Variants in SREK1 observed in about 807,000 individuals in gnomAD.
SREK1 encodes the protein splicing regulatory glutamic acid and lysine rich protein 1, also known as splicing regulatory glutamine/lysine-rich protein 1.
Under a neutral mutation model 66.5 loss-of-function variants are expected in SREK1, and 13 were observed. The observed-to-expected ratio is 0.20, with a 90% CI of 0.13 to 0.31. The LOEUF is 0.31. SREK1 is among the 10% of genes least tolerant of loss of function. The pLI is 1.00. For missense variants in SREK1, 607 were observed against 769.6 expected, an observed-to-expected ratio of 0.79 and a Z score of 2.50; for synonymous variants, 265 against 263.5, an observed-to-expected ratio of 1.01 and a Z score of -0.05.
At chr5:66,160,549 A>G (rs1744670680) in intron 3 of SREK1, among the ~76,000 whole-genome samples, 1 of 152,186 alleles carries the variant, frequency 6.6e-6, no homozygotes, top group African/African-American at 2.4e-5. Flanking sequence ...GAGGGGATAG[A>G]TAGGACACAG....
rs772962485 is a variant in SREK1 at position 66,177,587 on chromosome 5, A to C, written c.1654A>C (p.Thr552Pro). The change falls in exon 11 of 12, where the codon ACG (threonine) becomes CCG (proline). Residue 552 changes from threonine to proline, a missense_variant. Around this residue, in one of 5 missense-constraint regions of SREK1, gnomAD observed 318 missense variants for 310.3 expected, o/e 1.02. Coordinates refer to ENST00000334121, the MANE Select transcript of SREK1 (RefSeq NM_001077199.3). Reference protein sequence around the residue: ...ISERRERERSTSMRKSSNDRD... With the variant: ...ISERRERERSPSMRKSSNDRD... ...TGAAAGAAGAGAGAGAGAACGTTCA[A>C]CGTCTATGAGAAAGAGTTCTAATGA... 6.2e-7 allele frequency: 1 copy of C among 1,611,536 alleles called. No homozygotes were observed. Among genetic ancestry groups the C allele is most frequent in the South Asian group, 1.1e-5 (1 of 90,790 alleles).
chr5:66,144,664 T>G, intron 1 of SREK1, 127 bp downstream of exon 1: 1 of 1,408,592 alleles, frequency 7.1e-7, no homozygotes, highest in Non-Finnish European at 9.3e-7. Flanking sequence ...CTTACCTTGG[T>G]GCCCATATTT....
chr5:66,172,824 A>ATTTTTTTTTTTTTTTTTTTTTTTTTT (rs762670649), intron 9 of SREK1, among the ~76,000 whole-genome samples: 1 of 118,234 alleles, frequency 8.5e-6, no homozygotes, highest in African/African-American at 3.6e-5. Flanking sequence ...ATTTCTTTGA[A>ATTTTTTTTTTTTTTTTTTTTTTTTTT]TTTTTTTTTT....
At chr5:66,161,383 A>G (rs141974502) in intron 3 of SREK1, among the ~76,000 whole-genome samples, 9 of 152,258 alleles carry the variant, frequency 5.9e-5, no homozygotes, top group East Asian at 5.8e-4. Flanking sequence ...GGGTTTGTCT[A>G]TTTGCACGGA....
intron 1 of SREK1, chr5:66,145,211 G>C (rs894520150): frequency 1.0e-6 from 1 of 968,354 alleles, no homozygotes; most frequent in African/African-American, 1.8e-5. Flanking sequence ...TATCCCTCCC[G>C]TATACATTTA....
chr5:66,156,559 T>G (rs1251782258), intron 2 of SREK1: 33 of 985,800 alleles, frequency 3.3e-5, no homozygotes, highest in Non-Finnish European at 3.6e-5. Context: ...CTTTCTGATC[T>G]CAGCGCAACA....
At chr5:66,153,927 C>T (rs1352975497) in intron 2 of SREK1, 1 of 267,620 alleles carries the variant, frequency 3.7e-6, no homozygotes, top group Non-Finnish European at 7.1e-6. Flanking sequence ...AAGCATTTAC[C>T]TTGTGTGTTC....
chr5:66,152,733 A>AT (rs1743949958), intron 1 of SREK1, among the ~76,000 whole-genome samples: 1 of 152,216 alleles, frequency 6.6e-6, no homozygotes, highest in Non-Finnish European at 1.5e-5. Context: ...ATGAAAAGTA[A>AT]TTATGGATAG....
At position 66,179,018 on chromosome 5, in the gene SREK1, T is replaced by C. The variant is rs1047820542; in HGVS notation, c.*150T>C. On this transcript the variant is annotated 3_prime_UTR_variant, in exon 12 of 12. Transcript: ENST00000334121. ...GTTGTTAGATGACTTTGTGGCCATC[T>C]TGTTATTGAGTAAGAAAATAAAGCA... The C allele has an allele frequency of 1.4e-5, 11 of 798,938 alleles. No individual in the cohort carries two copies. The Admixed American group carries it at 3.2e-4, about 23-fold the overall frequency. 49.5% of individuals were successfully genotyped at this position (798,938 alleles called of 1,614,324 possible).
In SREK1 at chr5:66,174,970, G is replaced by T. The variant is rs1745937349; in HGVS notation, c.1509G>T (p.Arg503Ser). 1 of 1,613,040 alleles carries T rather than the reference G, an allele frequency of 6.2e-7. No individual in the cohort carries two copies. The highest frequency in any genetic ancestry group is 8.5e-7 in the Non-Finnish European group (1 of 1,179,434). Reference protein sequence around the residue: ...SSRERRRRRSRSSSRSPRTSK... With the variant: ...SSRERRRRRSSSSSRSPRTSK... ...GGGAAAGGCGTAGGAGGAGGAGCAG[G>T]AGTTCTTCCAGATCGCCAAGAACAT... The change falls in exon 10 of 12, where the codon AGG becomes AGT. Residue 503 changes from arginine to serine, a missense_variant. This residue lies in a region of SREK1 where 318 missense variants were observed against 310.3 expected (regional missense o/e 1.02). Coordinates refer to ENST00000334121, the MANE Select transcript of SREK1 (RefSeq NM_001077199.3).
chr5:66,158,046 A>G (rs1160643389), intron 2 of SREK1: 2 of 151,402 alleles, frequency 1.3e-5, no homozygotes, highest in East Asian at 1.9e-4. Flanking sequence ...AATAATAGAA[A>G]TGCTTTACCA....
intron 1 of SREK1, among the ~76,000 whole-genome samples, chr5:66,149,704 G>T (rs966948366): frequency 2.0e-5 from 3 of 152,216 alleles, no homozygotes; most frequent in African/African-American, 7.2e-5. Context: ...GGCTCTTGAA[G>T]ATTTCAGAGG....
At chr5:66,156,429 A>G in intron 2 of SREK1, 3 of 1,073,454 alleles carry the variant, frequency 2.8e-6, no homozygotes, top group Non-Finnish European at 3.4e-6. Flanking sequence ...GCAAATTTTC[A>G]TGTGGTAAAT....
chr5:66,181,791 A>T lies in SREK1; in HGVS notation c.*2923A>T, dbSNP rs1054858349. On this transcript the variant is annotated 3_prime_UTR_variant, in exon 12 of 12. Transcript: ENST00000334121. ...CTCTGTGTTTCAAGTTCTTTTCTTC[A>T]CGAGGTTCAGTACCTGCTATGTTGA... 6.6e-6 allele frequency: 1 copy of T among 150,798 alleles called. No homozygotes were observed. The highest frequency in any genetic ancestry group is 2.4e-5 in the African/African-American group (1 of 41,078). The allele number at this position is 150,798 out of a possible 1,614,324, so 9.3% of individuals were successfully genotyped here. A position where few individuals can be genotyped will look rare whatever the true frequency, so the allele number is the denominator to read the frequency against.
chr5:66,163,144 T>G (rs1261724203), intron 5 of SREK1: 2 of 152,262 alleles, frequency 1.3e-5, no homozygotes, highest in Non-Finnish European at 2.9e-5. Context: ...ATAGTTTTGC[T>G]TGAATTTCAT....
At chr5:66,160,077 C>T (rs1381573622) in intron 3 of SREK1, among the ~76,000 whole-genome samples, 6 of 150,838 alleles carry the variant, frequency 4.0e-5, no homozygotes, top group East Asian at 3.9e-4. Context: ...TTGCAGTGAG[C>T]GAAGATTGCG....
At chr5:66,157,026 T>A (rs769032847) in intron 2 of SREK1, 35 of 985,026 alleles carry the variant, frequency 3.6e-5, no homozygotes, top group Non-Finnish European at 4.0e-5. Flanking sequence ...TTTGGTAGAA[T>A]TCTATCTTGG....
At chr5:66,144,632 G>A in intron 1 of SREK1, 95 bp downstream of exon 1, 1 of 1,446,638 alleles carries the variant, frequency 6.9e-7, no homozygotes, top group Non-Finnish European at 9.1e-7. Context: ...GGCGCGCGGT[G>A]CATGTCACGT....
chr5:66,144,923 T>C, intron 1 of SREK1: 1 of 994,096 alleles, frequency 1.0e-6, no homozygotes, highest in Middle Eastern at 5.2e-4. Flanking sequence ...ACTCTGAAAA[T>C]CGCGGAGACC....
Sources: gnomAD v4.1 joint callset for allele counts (sites outside exome capture counted in the v4.1 genomes callset) on GRCh38, gnomAD v4.1.1 for gene constraint, gnomAD v4.1.1 regional missense constraint, MANE v1.5 for transcripts, NCBI Gene and HGNC (gene_info 2026-07-23, HGNC 2026-07-21) for gene names.